Variants in NLGN1 observed in about 807,000 individuals in gnomAD.
The protein encoded by NLGN1 is neuroligin-1.
A neutral mutation model predicts 65.5 loss-of-function variants in NLGN1; 12 were observed. The ratio of observed to expected loss-of-function variants is 0.18; its 90% CI spans 0.12 to 0.30. The LOEUF (loss-of-function observed/expected upper bound fraction) is 0.30, where lower values mean the gene tolerates loss of function less well. Ranked by LOEUF, NLGN1 falls within the 10% of genes least tolerant of loss-of-function variation. The pLI, the probability that NLGN1 is intolerant of heterozygous loss-of-function variation, is 1.00. For missense variants in NLGN1, 750 were observed against 1,007.1 expected, an observed-to-expected ratio of 0.74 and a Z score of 3.46; for synonymous variants, 350 against 359.5, an observed-to-expected ratio of 0.97 and a Z score of 0.30.
chr3:173,479,364 A>G (rs1422708397), intron 2 of NLGN1, among the ~76,000 whole-genome samples: 3 of 152,196 alleles, frequency 2.0e-5, no homozygotes, highest in Non-Finnish European at 2.9e-5. Context: ...GCCAGAATAT[A>G]TAAACAAACA....
intron 4 of NLGN1, among the ~76,000 whole-genome samples, chr3:173,814,161 A>C (rs1408318886): frequency 6.6e-6 from 1 of 152,222 alleles, no homozygotes; most frequent in Non-Finnish European, 1.5e-5. Context: ...GGCACCCCAT[A>C]GTGTCATAAC....
chr3:174,261,814 G>C (rs1746970855), intron 4 of NLGN1, among the ~76,000 whole-genome samples: 1 of 149,772 alleles, frequency 6.7e-6, no homozygotes, highest in South Asian at 2.1e-4. Flanking sequence ...GATATTGGCT[G>C]TGGGGTTGTC....
intron 4 of NLGN1, among the ~76,000 whole-genome samples, chr3:174,037,642 G>C (rs553606347): frequency 5.9e-5 from 9 of 152,290 alleles, no homozygotes; most frequent in African/African-American, 1.2e-4. Context: ...TTAGATATTA[G>C]CTAAGGCTGA....
intron 4 of NLGN1, among the ~76,000 whole-genome samples, chr3:174,144,051 T>A (rs2152692635): frequency 6.6e-6 from 1 of 152,304 alleles, no homozygotes; most frequent in East Asian, 1.9e-4. Context: ...TTTCTCCTAA[T>A]GCTATCCTCC....
At chr3:173,682,938 G>A (rs1252069190) in intron 3 of NLGN1, among the ~76,000 whole-genome samples, 2 of 152,140 alleles carry the variant, frequency 1.3e-5, no homozygotes, top group Non-Finnish European at 2.9e-5. Flanking sequence ...AATGTAAGGA[G>A]TTTACTCCAG....
intron 3 of NLGN1, among the ~76,000 whole-genome samples, chr3:173,795,897 A>G (rs1452732922): frequency 6.6e-6 from 1 of 152,096 alleles, no homozygotes; most frequent in African/African-American, 2.4e-5. Flanking sequence ...CAATCAGTTT[A>G]CTTCAAAGAC....
At chr3:173,740,195 A>G (rs1774433361) in intron 3 of NLGN1, among the ~76,000 whole-genome samples, 1 of 152,106 alleles carries the variant, frequency 6.6e-6, no homozygotes, top group Admixed American at 6.6e-5. Context: ...AGCACACAGT[A>G]CTTATCCCTG....
chr3:173,868,140 G>T (rs1408206245), intron 4 of NLGN1, among the ~76,000 whole-genome samples: 4 of 152,084 alleles, frequency 2.6e-5, no homozygotes, highest in African/African-American at 9.7e-5. Context: ...GTAACTGTTG[G>T]GGAGTTCTGA....
At chr3:173,576,598 A>T (rs1745537384) in intron 2 of NLGN1, among the ~76,000 whole-genome samples, 3 of 152,030 alleles carry the variant, frequency 2.0e-5, no homozygotes, top group Non-Finnish European at 4.4e-5. Flanking sequence ...CTGTTATCAC[A>T]TCTCTTACTC....
chr3:173,634,832 A>G (rs1432649080), intron 3 of NLGN1, among the ~76,000 whole-genome samples: 3 of 152,120 alleles, frequency 2.0e-5, no homozygotes, highest in African/African-American at 7.2e-5. Flanking sequence ...GGACCAGGAT[A>G]GGACTGAAGG....
chr3:173,873,459 A>G (rs1436052211), intron 4 of NLGN1, among the ~76,000 whole-genome samples: 1 of 152,212 alleles, frequency 6.6e-6, no homozygotes, highest in Non-Finnish European at 1.5e-5. Flanking sequence ...TGTCAGTATA[A>G]GAAAAACTAA....
intron 4 of NLGN1, among the ~76,000 whole-genome samples, chr3:174,184,548 A>G (rs1731048175): frequency 6.6e-6 from 1 of 152,142 alleles, no homozygotes; most frequent in Non-Finnish European, 1.5e-5. Flanking sequence ...TATAAGTTCA[A>G]TATGTGTTGA....
chr3:173,546,981 T>C (rs1311692941), intron 2 of NLGN1, among the ~76,000 whole-genome samples: 1 of 152,140 alleles, frequency 6.6e-6, no homozygotes, highest in Non-Finnish European at 1.5e-5. Flanking sequence ...TGTGCCCTCT[T>C]ATTATAAGTC....
chr3:173,432,097 C>T (rs553742323), intron 1 of NLGN1, among the ~76,000 whole-genome samples: 1 of 152,200 alleles, frequency 6.6e-6, no homozygotes, highest in East Asian at 1.9e-4. Context: ...ATTCCTTTGT[C>T]AATATGCATA....
intron 4 of NLGN1, among the ~76,000 whole-genome samples, chr3:174,142,975 CATGTCACA>C (rs1164703346): frequency 6.6e-6 from 1 of 152,094 alleles, no homozygotes; most frequent in African/African-American, 2.4e-5. Context: ...AGGAAGCCAG[CATGTCACA>C]TGGCAAGAGA....
At chr3:173,728,938 C>A (rs1391457241) in intron 3 of NLGN1, among the ~76,000 whole-genome samples, 4 of 151,902 alleles carry the variant, frequency 2.6e-5, no homozygotes, top group African/African-American at 9.7e-5. Context: ...GTTCCTGTAG[C>A]CCTAGGAAAT....
chr3:173,674,316 A>G (rs1299835945), intron 3 of NLGN1, among the ~76,000 whole-genome samples: 1 of 152,146 alleles, frequency 6.6e-6, no homozygotes, highest in Non-Finnish European at 1.5e-5. Context: ...TGCATTAGCC[A>G]TTGTACCAAG....
intron 4 of NLGN1, among the ~76,000 whole-genome samples, chr3:173,929,687 T>C (rs1204837389): frequency 6.7e-6 from 1 of 150,300 alleles, no homozygotes; most frequent in South Asian, 2.1e-4. Context: ...CTTTTTTTTT[T>C]CTTTTTTTCT....
At chr3:173,643,748 C>T (rs1468709129) in intron 3 of NLGN1, among the ~76,000 whole-genome samples, 1 of 152,100 alleles carries the variant, frequency 6.6e-6, no homozygotes, top group Non-Finnish European at 1.5e-5. Context: ...AAGACTCTTA[C>T]TCACTGAAAG....
Sources: gnomAD v4.1 joint callset for allele counts (sites outside exome capture counted in the v4.1 genomes callset) on GRCh38, gnomAD v4.1.1 for gene constraint, MANE v1.5 for transcripts, NCBI Gene and HGNC (gene_info 2026-07-23, HGNC 2026-07-21) for gene names.